Variants in ABCC5 observed in about 807,000 individuals in gnomAD.
ABCC5 encodes the protein ATP binding cassette subfamily C member 5.
Under a neutral mutation model 160.9 loss-of-function variants are expected in ABCC5, and 61 were observed. The observed-to-expected ratio is 0.38, with a 90% CI of 0.31 to 0.47. The LOEUF (loss-of-function observed/expected upper bound fraction) is 0.47. Among genes scored for constraint, ABCC5 ranks in the 20% least tolerant of loss-of-function variants. The probability of loss-of-function intolerance (pLI) is 0.99; values close to 1 mark genes in which losing one functional copy is unlikely to be tolerated. For synonymous variants in ABCC5, 666 were observed against 700.6 expected (o/e 0.95, Z 0.78); for missense variants, 1,308 against 1,813.3 (o/e 0.72, Z 5.06).
intron 17 of ABCC5, among the ~76,000 whole-genome samples, chr3:183,958,005 TCC>T (rs1716358624): frequency 6.6e-6 from 1 of 151,636 alleles, no homozygotes; most frequent in Non-Finnish European, 1.5e-5. Context: ...TACATGCAGA[TCC>T]GTGTGTACAT....
At chr3:184,004,247 A>G (rs1720986537) in intron 2 of ABCC5, among the ~76,000 whole-genome samples, 1 of 139,798 alleles carries the variant, frequency 7.2e-6, no homozygotes, top group Non-Finnish European at 1.7e-5. Context: ...ACAGTGGCTC[A>G]CACCTATAAT....
chr3:183,962,933 C>T (rs1716907527), intron 15 of ABCC5, among the ~76,000 whole-genome samples: 1 of 152,150 alleles, frequency 6.6e-6, no homozygotes, highest in South Asian at 2.1e-4. Context: ...CTTTCTTTGG[C>T]AGAATGGAGG....
At chr3:183,985,320 A>G (rs765765282) in intron 5 of ABCC5, 1 of 1,613,928 alleles carries the variant, frequency 6.2e-7, no homozygotes, top group African/African-American at 1.3e-5. Context: ...TCTTGGCGAG[A>G]GATTCTGCCC....
At chr3:183,984,812 G>A (rs374552547) in intron 5 of ABCC5, 75 of 1,581,222 alleles carry the variant, frequency 4.7e-5, no homozygotes, top group Non-Finnish European at 6.1e-5. Context: ...TTTTCCTCAC[G>A]TGAAGCAACT....
Position 183,921,398 on chromosome 3 carries a change from C to T in ABCC5, c.4216G>A (p.Val1406Met). The T allele has an allele frequency of 6.2e-7, 1 of 1,612,300 alleles. No individual in the cohort carries two copies. The highest frequency in any genetic ancestry group is 8.5e-7 in the Non-Finnish European group (1 of 1,179,312). ...RIMVLAQGQV[V>M]EFDTPSVLLS... ...AGGACCGATGGGGTGTCAAACTCCA[C>T]CACCTGCAAAAGAAGGAGACGCCGT... Residue 1406 changes from valine to methionine, a missense_variant, in exon 30 of 30, where the codon GTG (valine) becomes ATG (methionine). This residue lies in a region of ABCC5 where 163 missense variants were observed against 269.7 expected (regional missense o/e 0.60). Transcript: ENST00000334444. The surrounding 1 kb of genome is among the most constrained non-coding windows in gnomAD (Gnocchi z 4.1).
chr3:183,969,249 T>C (rs1240580330), intron 11 of ABCC5, among the ~76,000 whole-genome samples: 1 of 152,208 alleles, frequency 6.6e-6, no homozygotes, highest in Non-Finnish European at 1.5e-5. Context: ...CTGTGGGCTC[T>C]GAAGGGCAAA....
chr3:184,001,176 C>A, intron 2 of ABCC5: 1 of 463,744 alleles, frequency 2.2e-6, no homozygotes, highest in Non-Finnish European at 3.9e-6. Context: ...TCACAGGAGC[C>A]CAGGTGTTTG....
chr3:183,940,055 A>G (rs1337032052), intron 25 of ABCC5, among the ~76,000 whole-genome samples: 2 of 152,206 alleles, frequency 1.3e-5, no homozygotes, highest in East Asian at 3.8e-4. Flanking sequence ...AAAAACACCC[A>G]TAAGACTTGG....
In ABCC5 at chr3:183,982,640, A is replaced by T. The variant is rs371989402; in HGVS notation, c.826-16T>A. The T allele has an allele frequency of 2.5e-6, 4 of 1,613,714 alleles. No homozygotes were observed. The highest frequency in any genetic ancestry group is 2.7e-5 in the African/African-American group (2 of 75,018). ...TGTTGATGAGCTATAAGATACAAAG[A>T]GTAGTGAGGGGACCCTGCAAGGACA... On this transcript the variant is annotated splice_polypyrimidine_tract_variant and intron_variant, in intron 6 of 29. Coordinates refer to ENST00000334444, the MANE Select transcript of ABCC5 (RefSeq NM_005688.4). The surrounding 1 kb of genome is among the most constrained non-coding windows in gnomAD (Gnocchi z 5.2).
At chr3:184,010,071 C>T (rs1335517697) in intron 2 of ABCC5, 4 of 322,690 alleles carry the variant, frequency 1.2e-5, no homozygotes, top group Admixed American at 7.0e-5. Flanking sequence ...CTTTGGGAGG[C>T]CAAGGCAGGC....
Position 183,953,128 on chromosome 3 carries a change from G to A in ABCC5, c.2625C>T (p.Phe875=), listed in dbSNP as rs1348689936. The part of the protein sequence containing the change: ...LFMLNVGSTA[F]STWWLSYWIK... ...TCCAGTAACTCAACCACCAGGTGCT[G>A]AAGGCGGTGCTGCCTACATTCAGCA... Residue 875 remains phenylalanine, a synonymous_variant, in exon 18 of 30, where the codon TTC becomes TTT. Transcript: ENST00000334444. The A allele has an allele frequency of 1.9e-6, 3 of 1,613,932 alleles. No homozygotes were observed. Among genetic ancestry groups the A allele is most frequent in the African/African-American group, 1.3e-5 (1 of 74,878 alleles).
chr3:183,936,218 C>A (rs886606762), intron 26 of ABCC5, among the ~76,000 whole-genome samples: 1 of 152,150 alleles, frequency 6.6e-6, no homozygotes, highest in Non-Finnish European at 1.5e-5. Flanking sequence ...CAGAACAAGA[C>A]AACCATCTGC....
intron 18 of ABCC5, 91 bp from the exon 19 acceptor site, chr3:183,952,094 G>A (rs1360011507): frequency 4.2e-6 from 6 of 1,430,336 alleles, no homozygotes; most frequent in Non-Finnish European, 5.7e-6. Context: ...GGCAGGGCAG[G>A]GTACAGGATA....
chr3:183,953,451 A>T (rs1715571290), intron 17 of ABCC5, among the ~76,000 whole-genome samples, 181 bp from the exon 18 acceptor site: 6 of 152,206 alleles, frequency 3.9e-5, no homozygotes, highest in Non-Finnish European at 7.3e-5. Flanking sequence ...ACCACAAACC[A>T]GACCCAGGAT....
intron 26 of ABCC5, among the ~76,000 whole-genome samples, chr3:183,936,613 T>C (rs1379096212): frequency 6.6e-6 from 1 of 152,050 alleles, no homozygotes; most frequent in East Asian, 1.9e-4. Context: ...GTTCACACCA[T>C]TCTCCTGCCT....
At chr3:183,976,119 G>A (rs78957012) in intron 10 of ABCC5, among the ~76,000 whole-genome samples, 2,110 of 147,250 alleles carry the variant, frequency 0.014, 47 homozygotes, top group African/African-American at 0.05. Context: ...AAGTGGCCAC[G>A]TTGGGGTGGG....
intron 11 of ABCC5, among the ~76,000 whole-genome samples, 199 bp downstream of exon 11, chr3:183,971,364 G>A (rs183468191): frequency 6.6e-6 from 1 of 152,242 alleles, no homozygotes; most frequent in East Asian, 1.9e-4. Flanking sequence ...CACCTCATAA[G>A]ATTAGTTGTT....
rs142232774 is a variant in ABCC5 at position 183,922,303 on chromosome 3, C to T, written c.4213-902G>A. On this transcript the variant is annotated intron_variant, in intron 29 of 29. Transcript: ENST00000334444. ...AGGAGAATCGCTGGAACCCGGGAGG[C>T]GGAGGTTGTGGTGAGCAGAGATCGT... 4.9e-3 allele frequency among the ~76,000 whole-genome samples: 752 copies of T among 152,164 alleles called. 11 individuals are homozygous for T. Among genetic ancestry groups the T allele is most frequent in the African/African-American group, 0.017 (703 of 41,488 alleles).
intron 17 of ABCC5, among the ~76,000 whole-genome samples, chr3:183,955,102 G>A (rs182035311): frequency 3.3e-5 from 5 of 152,122 alleles, no homozygotes; most frequent in African/African-American, 9.7e-5. Flanking sequence ...AGTAGCAGAC[G>A]TCAGAGAGAA....
Sources: gnomAD v4.1 joint callset for allele counts (sites outside exome capture counted in the v4.1 genomes callset) on GRCh38, gnomAD v4.1.1 for gene constraint, gnomAD v4.1.1 regional missense constraint, Gnocchi (gnomAD v3.1) non-coding constraint, MANE v1.5 for transcripts, NCBI Gene and HGNC (gene_info 2026-07-23, HGNC 2026-07-21) for gene names.